GALNS: variants seen among roughly 807,000 people sequenced by gnomAD.
GALNS encodes the protein galactosamine (N-acetyl)-6-sulfatase.
A neutral mutation model predicts 65.9 loss-of-function variants in GALNS; 65 were observed. The ratio of observed to expected loss-of-function variants is 0.99; its 90% CI spans 0.81 to 1.21. GALNS has a LOEUF of 1.21. Among genes scored for constraint, GALNS ranks in the 50% most tolerant of loss-of-function variants. The pLI is 0.00. For missense variants in GALNS, 776 were observed against 700.7 expected (o/e 1.11, Z -1.21); for synonymous variants, 346 against 288.9 (o/e 1.20, Z -2.00).
chr16:88,854,999 C>T lies in GALNS; in HGVS notation c.120+1759G>A, dbSNP rs764437052. 5.6e-5 allele frequency: 19 copies of T among 340,084 alleles called. 1 individual carries two copies. Among genetic ancestry groups the T allele is most frequent in the East Asian group, 5.0e-4 (6 of 12,076 alleles). The allele number at this position is 340,084 out of a possible 1,614,324, so 21.1% of individuals were successfully genotyped here. A position where few individuals can be genotyped will look rare whatever the true frequency, so the allele number is the denominator to read the frequency against. ...CTGTCACCCTCCCCCACATGTGCCC[C>T]GGTGGCCACACCCCACCCCTCCACC... On this transcript the variant is annotated intron_variant, in intron 1 of 13. Coordinates refer to ENST00000268695, the MANE Select transcript of GALNS (RefSeq NM_000512.5).
At chr16:88,849,893 C>A (rs746069464) in intron 1 of GALNS, among the ~76,000 whole-genome samples, 6 of 152,206 alleles carry the variant, frequency 3.9e-5, no homozygotes, top group Admixed American at 3.3e-4. Flanking sequence ...TGAGAAGGGA[C>A]CTTGGGCTCA....
At chr16:88,819,236 T>C (rs1378675320) in intron 12 of GALNS, among the ~76,000 whole-genome samples, 1 of 121,778 alleles carries the variant, frequency 8.2e-6, no homozygotes, top group Non-Finnish European at 1.7e-5. Context: ...ATCCACCCAC[T>C]CCCTGCTTAG....
At chr16:88,824,744 C>T (rs750354351) in intron 11 of GALNS, 23 bp downstream of exon 11, 34 of 1,597,404 alleles carry the variant, frequency 2.1e-5, no homozygotes, top group African/African-American at 2.7e-5. Flanking sequence ...GCTCCGCCTG[C>T]GCCCACGTCC....
At position 88,851,435 on chromosome 16, in the gene GALNS, G is replaced by C. The variant is rs186202107; in HGVS notation, c.120+5323C>G. 2.0e-3 allele frequency among the ~76,000 whole-genome samples: 306 copies of C among 152,298 alleles called. 6 individuals carry two copies. The highest frequency in any genetic ancestry group is 6.3e-4 in the Non-Finnish European group (43 of 68,024). On this transcript the variant is annotated intron_variant, in intron 1 of 13. Transcript: ENST00000268695. The stretch of plus-strand genomic sequence containing the variant: ...GAACAGCTCCGGGCTGCAGCTCCCA[G>C]CGTGATTGACGCAGAAGACGGCGAT...
chr16:88,855,185 G>A (rs747996962), intron 1 of GALNS: 15 of 677,518 alleles, frequency 2.2e-5, no homozygotes, highest in South Asian at 1.2e-4. Context: ...ATTTCGACAA[G>A]TCTTCAACAT....
At chr16:88,851,549 G>T (rs1967509557) in intron 1 of GALNS, among the ~76,000 whole-genome samples, 1 of 152,176 alleles carries the variant, frequency 6.6e-6, no homozygotes, top group Admixed American at 6.5e-5. Flanking sequence ...CCGAAGCAGG[G>T]TGGGGCATCG....
chr16:88,833,058 A>G (rs1291329158), intron 8 of GALNS, among the ~76,000 whole-genome samples: 1 of 146,276 alleles, frequency 6.8e-6, no homozygotes, highest in Non-Finnish European at 1.5e-5. Context: ...AGCCTGGGCA[A>G]CAGAGCGAGA....
intron 1 of GALNS, chr16:88,855,723 T>C (rs1967802032): frequency 8.6e-6 from 5 of 580,548 alleles, no homozygotes; most frequent in East Asian, 2.9e-5. Context: ...ATCTGTGTAT[T>C]TTACACTACC....
intron 8 of GALNS, among the ~76,000 whole-genome samples, chr16:88,833,793 T>C (rs918869508): frequency 1.3e-5 from 2 of 152,242 alleles, no homozygotes; most frequent in African/African-American, 4.8e-5. Flanking sequence ...TTTCTAGTCT[T>C]GTGCTGGGTG....
At chr16:88,822,770 T>C (rs1342618862) in intron 11 of GALNS, 60 bp from the exon 12 acceptor site, 7 of 1,588,810 alleles carry the variant, frequency 4.4e-6, no homozygotes, top group Non-Finnish European at 6.0e-6. Flanking sequence ...GTGAGGGGCC[T>C]CGTCTGCCCG....
intron 1 of GALNS, among the ~76,000 whole-genome samples, chr16:88,849,199 C>T (rs916113498): frequency 4.6e-5 from 7 of 152,264 alleles, no homozygotes; most frequent in African/African-American, 1.7e-4. Context: ...ACTGCAACCT[C>T]TGCCTTCCGG....
chr16:88,817,145 G>C (rs938398049), intron 13 of GALNS: 1 of 985,346 alleles, frequency 1.0e-6, no homozygotes, highest in Non-Finnish European at 1.2e-6. Context: ...TGCACACGCG[G>C]GATGGCTGGG....
intron 11 of GALNS, 95 bp downstream of exon 11, chr16:88,824,672 C>T (rs773916488): frequency 6.8e-6 from 7 of 1,023,924 alleles, no homozygotes; most frequent in Admixed American, 1.8e-5. Flanking sequence ...CTGCCTGTCT[C>T]ACCCTCCTGT....
chr16:88,834,283 G>C (rs949257027), intron 8 of GALNS, among the ~76,000 whole-genome samples: 3 of 152,140 alleles, frequency 2.0e-5, no homozygotes, highest in South Asian at 2.1e-4. Context: ...CTGGGCTGTA[G>C]GCGCCCCCCG....
Position 88,856,890 on chromosome 16 carries a change from A to G in GALNS, c.-13T>C. On this transcript the variant is annotated 5_prime_UTR_variant, in exon 1 of 14. Coordinates refer to ENST00000268695, the MANE Select transcript of GALNS (RefSeq NM_000512.5). ...CAACCGCCGCCATGGCAACCACGGG[A>G]GCCGCGGAGCCCCGGCCAGCGAGCC... 6.7e-7 allele frequency: 1 copy of G among 1,503,508 alleles called. No homozygotes were observed. The highest frequency in any genetic ancestry group is 8.8e-7 in the Non-Finnish European group (1 of 1,134,830). 93.1% of individuals were successfully genotyped at this position (1,503,508 alleles called of 1,614,324 possible).
chr16:88,824,720 T>G, intron 11 of GALNS, 47 bp downstream of exon 11: 2 of 1,523,464 alleles, frequency 1.3e-6, no homozygotes, highest in South Asian at 1.1e-5. Flanking sequence ...CACGTCTGGA[T>G]AGAGATGGGG....
intron 1 of GALNS, among the ~76,000 whole-genome samples, chr16:88,851,290 G>T (rs987674222): frequency 6.6e-6 from 1 of 152,150 alleles, no homozygotes; most frequent in Non-Finnish European, 1.5e-5. Flanking sequence ...GAGGAGGGAG[G>T]ATCGCTTGAG....
chr16:88,840,727 G>A (rs951537364), intron 4 of GALNS: 5 of 507,806 alleles, frequency 9.8e-6, no homozygotes, highest in East Asian at 3.7e-5. Flanking sequence ...GCTGTGACTC[G>A]AGGGATGACG....
chr16:88,843,220 C>T, intron 1 of GALNS: 9 of 1,311,628 alleles, frequency 6.9e-6, no homozygotes, highest in Non-Finnish European at 9.0e-6. Context: ...CATAAATACA[C>T]AGGCCCTCGT....
Sources: allele counts gnomAD v4.1 joint callset (sites outside exome capture counted in the v4.1 genomes callset), GRCh38; gene constraint gnomAD v4.1.1; transcripts MANE v1.5; gene names NCBI Gene and HGNC (gene_info 2026-07-23, HGNC 2026-07-21).